Variants in GAS2 observed in about 807,000 individuals in gnomAD.
GAS2 encodes the protein growth arrest specific 2, also known as growth arrest-specific protein 2.
GAS2 carries 20 observed loss-of-function variants against 37.5 expected under a neutral mutation model. The ratio of observed to expected loss-of-function variants is 0.53; its 90% CI spans 0.37 to 0.77. GAS2 has a LOEUF of 0.77. Ranked by LOEUF, GAS2 falls within the 30% of genes least tolerant of loss-of-function variation. GAS2 has a pLI of 0.00. For missense variants in GAS2, 336 were observed against 373.4 expected, an observed-to-expected ratio of 0.90 and a Z score of 0.82; for synonymous variants, 144 against 132.2, an observed-to-expected ratio of 1.09 and a Z score of -0.61.
chr11:22,726,148 A>G (rs2134164828), intron 3 of GAS2, 144 bp from the exon 4 acceptor site: 1 of 720,990 alleles, frequency 1.4e-6, no homozygotes, highest in South Asian at 2.0e-5. Flanking sequence ...ATTGCATAGC[A>G]TTATATTTCC....
intron 7 of GAS2, among the ~76,000 whole-genome samples, chr11:22,800,089 A>G (rs1221085282): frequency 6.6e-6 from 1 of 152,130 alleles, no homozygotes. Context: ...CATGCAGTAT[A>G]GTACAGTTGT....
chr11:22,810,878 T>G (rs1261448355), intron 7 of GAS2, among the ~76,000 whole-genome samples: 6 of 152,198 alleles, frequency 3.9e-5, no homozygotes, highest in Admixed American at 3.9e-4. Context: ...ATAGGCTCTA[T>G]GATGTGACTT....
intron 3 of GAS2, among the ~76,000 whole-genome samples, chr11:22,687,592 C>T (rs1347402296): frequency 1.3e-5 from 2 of 152,148 alleles, no homozygotes; most frequent in Non-Finnish European, 2.9e-5. Flanking sequence ...GTTTAATGCT[C>T]TCTCATTTTT....
At chr11:22,663,745 T>C (rs199706841), upstream of GAS2, among the ~76,000 whole-genome samples, 285 of 152,312 alleles carry the variant, frequency 1.9e-3, 1 homozygote, top group African/African-American at 6.3e-3. Flanking sequence ...TGAAAAGTAA[T>C]AGCATTTATC....
In GAS2 at chr11:22,647,943, C is replaced by G. The variant is rs987148263; in HGVS notation, c.-21+22130C>G. Reference sequence around the variant, plus strand: ...TTGAGTTTAATTAGATCCCATTTGTCAATTTTGGCTTTTGTTGCCATTGCT... The same window carrying G: ...TTGAGTTTAATTAGATCCCATTTGTGAATTTTGGCTTTTGTTGCCATTGCT... On this transcript the variant is annotated intron_variant, in intron 1 of 5. Transcript: ENST00000528582. Among the ~76,000 whole-genome samples the G allele has an allele frequency of 1.6e-4, 25 of 152,214 alleles. No homozygotes were observed. In the South Asian group the frequency reaches 2.9e-3, roughly 18 times the overall value.
At chr11:22,680,652 A>G (rs1417781629) in intron 2 of GAS2, among the ~76,000 whole-genome samples, 1 of 152,258 alleles carries the variant, frequency 6.6e-6, no homozygotes, top group African/African-American at 2.4e-5. Context: ...GCCATTCTCC[A>G]GTCTACAAGG....
At chr11:22,778,134 A>C (rs1590119747) in intron 7 of GAS2, among the ~76,000 whole-genome samples, 1 of 152,220 alleles carries the variant, frequency 6.6e-6, no homozygotes, top group Admixed American at 6.5e-5. Flanking sequence ...GTTGAAAAGT[A>C]ATCTTTCCAG....
intron 1 of GAS2, among the ~76,000 whole-genome samples, chr11:22,653,039 T>TTCTTTC (rs1554965908): frequency 5.0e-5 from 7 of 139,850 alleles, no homozygotes; most frequent in African/African-American, 1.3e-4. Context: ...TTCTTTCTCT[T>TTCTTTC]TCTTTCTTTC....
Position 22,729,560 on chromosome 11 carries a change from A to C in GAS2, c.409+3127A>C, listed in dbSNP as rs554138656. Among the ~76,000 whole-genome samples the C allele has an allele frequency of 2.0e-3, 308 of 151,994 alleles. 1 individual carries two copies. Among genetic ancestry groups the C allele is most frequent in the Non-Finnish European group, 3.8e-3 (259 of 67,878 alleles). ...GATAATTTTTCCTCTGTAAAATGTC[A>C]GTTCTTAGATCATGTGTTCGCTACA... On this transcript the variant is annotated intron_variant, in intron 4 of 7. Coordinates refer to ENST00000454584, the MANE Select transcript of GAS2 (RefSeq NM_001143830.3).
At chr11:22,629,199 G>A (rs1858711525) in intron 1 of GAS2, among the ~76,000 whole-genome samples, 1 of 152,176 alleles carries the variant, frequency 6.6e-6, no homozygotes, top group African/African-American at 2.4e-5. Flanking sequence ...TAGTGGGATT[G>A]CTGGATCAAA....
intron 7 of GAS2, among the ~76,000 whole-genome samples, chr11:22,800,223 G>A (rs946209534): frequency 2.0e-5 from 3 of 152,086 alleles, no homozygotes; most frequent in Admixed American, 1.3e-4. Flanking sequence ...CTTATGGAGG[G>A]ATGAGGGTAG....
intron 7 of GAS2, among the ~76,000 whole-genome samples, chr11:22,791,333 G>A (rs894742750): frequency 6.6e-6 from 1 of 152,194 alleles, no homozygotes; most frequent in Non-Finnish European, 1.5e-5. Flanking sequence ...TCAGACATCA[G>A]AGATTACCAC....
chr11:22,753,040 T>C (rs930182348), intron 6 of GAS2, among the ~76,000 whole-genome samples: 2 of 152,084 alleles, frequency 1.3e-5, no homozygotes, highest in Admixed American at 1.3e-4. Context: ...ATGAGTTGAA[T>C]ACAGTTCTCA....
intron 3 of GAS2, chr11:22,688,511 C>A (rs1850079343): frequency 6.6e-6 from 1 of 151,950 alleles, no homozygotes; most frequent in African/African-American, 2.4e-5. Context: ...ACATTTGCCC[C>A]AATCTCCATG....
intron 1 of GAS2, among the ~76,000 whole-genome samples, chr11:22,639,766 T>C (rs1437407512): frequency 1.3e-5 from 2 of 152,196 alleles, no homozygotes; most frequent in East Asian, 3.8e-4. Flanking sequence ...AGAATTATTT[T>C]CAGTAGGCCA....
chr11:22,729,502 A>G (rs1852374533), intron 4 of GAS2, among the ~76,000 whole-genome samples: 1 of 151,822 alleles, frequency 6.6e-6, no homozygotes, highest in African/African-American at 2.4e-5. Flanking sequence ...ACAGGGTTTA[A>G]CCTATTATTT....
intron 1 of GAS2, among the ~76,000 whole-genome samples, chr11:22,640,262 C>T (rs973411703): frequency 2.0e-4 from 30 of 151,982 alleles, no homozygotes; most frequent in African/African-American, 6.8e-4. Context: ...GCAGAAAGAC[C>T]GTAACATGTA....
At chr11:22,771,222 T>C (rs536392423) in intron 7 of GAS2, among the ~76,000 whole-genome samples, 1 of 152,194 alleles carries the variant, frequency 6.6e-6, no homozygotes, top group African/African-American at 2.4e-5. Context: ...ATATTTGTTA[T>C]TTTGTTAGTG....
At chr11:22,668,643 T>C (rs935309399) in intron 1 of GAS2, among the ~76,000 whole-genome samples, 4 of 152,202 alleles carry the variant, frequency 2.6e-5, no homozygotes, top group Non-Finnish European at 5.9e-5. Context: ...CCTCAAACTT[T>C]CGAGTATGGT....
Sources: allele counts gnomAD v4.1 joint callset (sites outside exome capture counted in the v4.1 genomes callset), GRCh38; gene constraint gnomAD v4.1.1; transcripts MANE v1.5; gene names NCBI Gene and HGNC (gene_info 2026-07-23, HGNC 2026-07-21).